TAFA5: variants seen among roughly 807,000 people sequenced by gnomAD.
TAFA5 encodes the protein chemokine-like protein TAFA-5.
In TAFA5, 6 loss-of-function variants were observed where a neutral mutation model predicts 15.3. That is an observed-to-expected ratio of 0.39 (90% CI 0.21 to 0.77). The LOEUF is 0.77. Among genes scored for constraint, TAFA5 ranks in the 30% least tolerant of loss-of-function variants. The pLI, the probability that TAFA5 is intolerant of heterozygous loss-of-function variation, is 0.41. For missense variants in TAFA5, 161 were observed against 193.1 expected (o/e 0.83, Z 0.98); for synonymous variants, 103 against 80.7 (o/e 1.28, Z -1.48).
rs1922816471 is a variant in TAFA5 at position 48,550,413 on chromosome 22, A to G, written c.112+60709A>G. Among the ~76,000 whole-genome samples the G allele has an allele frequency of 6.6e-6, 1 of 152,210 alleles. No individual in the cohort carries two copies. Among genetic ancestry groups the G allele is most frequent in the African/African-American group, 2.4e-5 (1 of 41,454 alleles). On this transcript the variant is annotated intron_variant, in intron 1 of 3. Coordinates refer to ENST00000402357, the MANE Select transcript of TAFA5 (RefSeq NM_001082967.3). This position sits in a 1 kb window ranked among gnomAD's most constrained non-coding sequence, Gnocchi z 4.1. ...TCCCACAGACTGGTCGGAGGTGCCC[A>G]GCAGGACCCTGGATGGCTCTCTGGG...
intron 1 of TAFA5, among the ~76,000 whole-genome samples, chr22:48,611,386 C>T (rs1271277025): frequency 1.3e-5 from 2 of 152,226 alleles, no homozygotes; most frequent in Non-Finnish European, 2.9e-5. Context: ...TATTAGAACT[C>T]ACTTATTCAG....
At chr22:48,722,825 G>A (rs1331466521) in intron 3 of TAFA5, among the ~76,000 whole-genome samples, 4 of 152,198 alleles carry the variant, frequency 2.6e-5, no homozygotes, top group Non-Finnish European at 5.9e-5. Context: ...TGGGCTGCAC[G>A]CCACAGGGCA....
At chr22:48,613,595 C>G (rs888650807) in intron 1 of TAFA5, among the ~76,000 whole-genome samples, 1 of 151,872 alleles carries the variant, frequency 6.6e-6, no homozygotes, top group Non-Finnish European at 1.5e-5. Context: ...CAGCCTCCTC[C>G]GTGAATTAGA....
At chr22:48,746,761 G>A (rs961527008) in intron 3 of TAFA5, among the ~76,000 whole-genome samples, 44 of 152,172 alleles carry the variant, frequency 2.9e-4, no homozygotes, top group African/African-American at 9.9e-4. Context: ...GACAGAAGCC[G>A]GAGGGGCCTC....
At chr22:48,678,786 C>G (rs1396452617) in intron 2 of TAFA5, among the ~76,000 whole-genome samples, 1 of 152,042 alleles carries the variant, frequency 6.6e-6, no homozygotes, top group Non-Finnish European at 1.5e-5. Context: ...CTGGTGTGTA[C>G]ATTTGTGTAT....
chr22:48,586,731 T>A (rs1438112526), intron 1 of TAFA5, among the ~76,000 whole-genome samples: 1 of 151,884 alleles, frequency 6.6e-6, no homozygotes, highest in African/African-American at 2.4e-5. Context: ...GTGGGCGGAG[T>A]CTTTGAAGTG....
rs1045480004 is a variant in TAFA5 at position 48,552,020 on chromosome 22, C to T, written c.112+62316C>T. ...TGCTGGCCCCACGCCCTGCGATGGC[C>T]GTTCAGCTCTGACTGTCCTCCCGGC... On this transcript the variant is annotated intron_variant, in intron 1 of 3. Transcript: ENST00000402357. The surrounding 1 kb of genome is among the most constrained non-coding windows in gnomAD (Gnocchi z 4.1). 6.6e-6 allele frequency among the ~76,000 whole-genome samples: 1 copy of T among 152,212 alleles called. No homozygotes were observed. Among genetic ancestry groups the T allele is most frequent in the Non-Finnish European group, 1.5e-5 (1 of 68,030 alleles).
Position 48,489,733 on chromosome 22 carries a change from A to G in TAFA5, c.112+29A>G, listed in dbSNP as rs1928073135. The G allele has an allele frequency of 2.2e-6, 3 of 1,362,006 alleles. No homozygotes were observed. The highest frequency in any genetic ancestry group is 3.0e-5 in the African/African-American group (2 of 65,822). The allele number at this position is 1,362,006 out of a possible 1,614,324, so 84.4% of individuals were successfully genotyped here. ...AGTACCGCGCGGCCCCGGCCCCGGC[A>G]CGGCCCTCTGGGCCCCGGACCCCCT... On this transcript the variant is annotated intron_variant, in intron 1 of 3. Transcript: ENST00000402357. The surrounding 1 kb of genome is among the most constrained non-coding windows in gnomAD (Gnocchi z 5.5).
intron 1 of TAFA5, among the ~76,000 whole-genome samples, chr22:48,500,301 G>A (rs567066166): frequency 3.9e-5 from 6 of 152,326 alleles, no homozygotes; most frequent in African/African-American, 1.2e-4. Flanking sequence ...ACAGCTTAAA[G>A]TGATGCTTGT....
chr22:48,555,536 T>C (rs1923005384), intron 1 of TAFA5, among the ~76,000 whole-genome samples: 1 of 152,066 alleles, frequency 6.6e-6, no homozygotes, highest in Non-Finnish European at 1.5e-5. Context: ...CGGATCTTTA[T>C]GGGAAGAGGG....
intron 1 of TAFA5, among the ~76,000 whole-genome samples, chr22:48,565,084 G>T (rs1188643314): frequency 1.3e-5 from 2 of 152,242 alleles, no homozygotes; most frequent in African/African-American, 2.4e-5. Context: ...GCCGTGGTGG[G>T]GCTGAGAGGA....
Position 48,644,786 on chromosome 22 carries a change from C to T in TAFA5, c.113-1811C>T, listed in dbSNP as rs527603183. On this transcript the variant is annotated intron_variant, in intron 1 of 3. Coordinates refer to ENST00000402357, the MANE Select transcript of TAFA5 (RefSeq NM_001082967.3). ...GTAGAAACGGCTGCTGGAGAGCACC[C>T]GGGCATTGCCTGCAGGTTCCTCTCT... Among the ~76,000 whole-genome samples the T allele has an allele frequency of 2.0e-3, 299 of 152,276 alleles. 3 individuals are homozygous for T. The highest frequency in any genetic ancestry group is 6.8e-3 in the Middle Eastern group (2 of 294).
At chr22:48,536,497 G>A (rs1021800819) in intron 1 of TAFA5, among the ~76,000 whole-genome samples, 31 of 152,338 alleles carry the variant, frequency 2.0e-4, no homozygotes, top group South Asian at 2.1e-4. Context: ...TGGCTCAGGC[G>A]TGCGCCGTGG....
chr22:48,559,099 T>A (rs1923138762), intron 1 of TAFA5, among the ~76,000 whole-genome samples: 1 of 152,114 alleles, frequency 6.6e-6, no homozygotes, highest in African/African-American at 2.4e-5. Context: ...AGGGACACAG[T>A]GCCGAGGGGC....
chr22:48,749,869 C>A lies in TAFA5; in HGVS notation c.*22C>A. ...CTGACAAACACAGCCCCTGAGGGGC[C>A]CCGGGAGTGGCCTTGGCTCCCTGGA... On this transcript the variant is annotated 3_prime_UTR_variant, in exon 4 of 4. Transcript: ENST00000402357. 1.9e-6 allele frequency: 3 copies of A among 1,555,048 alleles called. No individual in the cohort carries two copies. Among genetic ancestry groups the A allele is most frequent in the Admixed American group, 1.9e-5 (1 of 51,822 alleles).
intron 1 of TAFA5, among the ~76,000 whole-genome samples, chr22:48,578,861 A>AG (rs1385780310): frequency 2.0e-5 from 3 of 150,220 alleles, no homozygotes; most frequent in Non-Finnish European, 3.0e-5. Context: ...AGGTGCAGGG[A>AG]GGGGGGTGGC....
chr22:48,706,034 C>T (rs1359480555), intron 2 of TAFA5, among the ~76,000 whole-genome samples: 1 of 152,216 alleles, frequency 6.6e-6, no homozygotes, highest in Non-Finnish European at 1.5e-5. Flanking sequence ...ACCGGGGCTG[C>T]AGACGGGAGG....
Position 48,742,709 on chromosome 22 carries a change from C to G in TAFA5, c.391-7130C>G, listed in dbSNP as rs1228277681. Among the ~76,000 whole-genome samples, 1 of 151,932 alleles carries G rather than the reference C, an allele frequency of 6.6e-6. No individual in the cohort carries two copies. The highest frequency in any genetic ancestry group is 1.5e-5 in the Non-Finnish European group (1 of 67,962). ...TGATGGACCAGGCGACGTGGTGGGC[C>G]GGGTGGTGTGGTGAAGCCGGCAGCA... is the stretch of plus-strand genomic sequence containing the variant. On this transcript the variant is annotated intron_variant, in intron 3 of 3. Coordinates refer to ENST00000402357, the MANE Select transcript of TAFA5 (RefSeq NM_001082967.3). The surrounding 1 kb of genome is among the most constrained non-coding windows in gnomAD (Gnocchi z 6.2).
At position 48,493,744 on chromosome 22, in the gene TAFA5, C is replaced by G. The variant is rs538320493; in HGVS notation, c.112+4040C>G. Among the ~76,000 whole-genome samples, 249 of 152,256 alleles carry G rather than the reference C, an allele frequency of 1.6e-3. 2 individuals carry two copies. The South Asian group carries it at 0.028, about 17-fold the overall frequency. On this transcript the variant is annotated intron_variant, in intron 1 of 3. Transcript: ENST00000402357. ...TTAGCCGACATCCATGCCCTAGGCT[C>G]AGTGAGGAAGAGGCAGGTTTGTCCC...
Sources: gnomAD v4.1 joint callset for allele counts (sites outside exome capture counted in the v4.1 genomes callset) on GRCh38, gnomAD v4.1.1 for gene constraint, Gnocchi (gnomAD v3.1) non-coding constraint, MANE v1.5 for transcripts, NCBI Gene and HGNC (gene_info 2026-07-23, HGNC 2026-07-21) for gene names.